Variants in SDK1 observed in about 807,000 individuals in gnomAD.
SDK1 encodes protein sidekick-1.
A neutral mutation model predicts 245.5 loss-of-function variants in SDK1; 157 were observed. The observed-to-expected ratio is 0.64, with a 90% CI of 0.56 to 0.73. The LOEUF (loss-of-function observed/expected upper bound fraction) is 0.73, where lower values mean the gene tolerates loss of function less well. SDK1 is among the 30% of genes least tolerant of loss of function. The pLI is 0.00. For missense variants in SDK1, 3,583 were observed against 3,002.3 expected (o/e 1.19, Z -4.52); for synonymous variants, 1,647 against 1,278.5 (o/e 1.29, Z -6.15).
At chr7:3,431,150 C>G (rs1779834123) in intron 1 of SDK1, among the ~76,000 whole-genome samples, 1 of 152,118 alleles carries the variant, frequency 6.6e-6, no homozygotes. Flanking sequence ...ATCCGCTTGC[C>G]TCAGCGTCCC....
At chr7:4,111,515 CA>C (rs1783344115) in intron 23 of SDK1, among the ~76,000 whole-genome samples, 1 of 149,804 alleles carries the variant, frequency 6.7e-6, no homozygotes, top group Non-Finnish European at 1.5e-5. Context: ...GGCACAAAAC[CA>C]AAGTTAGAGT....
intron 42 of SDK1, among the ~76,000 whole-genome samples, chr7:4,238,340 A>G (rs1437834854): frequency 6.6e-6 from 1 of 151,728 alleles, no homozygotes; most frequent in Non-Finnish European, 1.5e-5. Context: ...TCAGCCTCCC[A>G]AAGTGTTGGG....
chr7:4,131,517 A>G (rs1219456138), intron 27 of SDK1, among the ~76,000 whole-genome samples: 2 of 152,254 alleles, frequency 1.3e-5, no homozygotes, highest in Non-Finnish European at 2.9e-5. Context: ...TCAGCGGCCC[A>G]GAACGACGAA....
chr7:3,332,500 G>A (rs1273908565), intron 1 of SDK1, among the ~76,000 whole-genome samples: 1 of 152,126 alleles, frequency 6.6e-6, no homozygotes, highest in East Asian at 1.9e-4. Context: ...GTCTCCTAAA[G>A]CGAAGTCAGA....
chr7:3,651,481 T>C (rs1407721304), intron 4 of SDK1, among the ~76,000 whole-genome samples: 3 of 152,214 alleles, frequency 2.0e-5, no homozygotes, highest in East Asian at 1.9e-4. Context: ...GTGAGACTTA[T>C]TGTTCTGATC....
intron 1 of SDK1, among the ~76,000 whole-genome samples, chr7:3,589,876 G>T (rs185560177): frequency 1.2e-3 from 177 of 152,282 alleles, no homozygotes; most frequent in Non-Finnish European, 2.1e-4. Flanking sequence ...ATAATACCCA[G>T]ACTGTGAGGA....
intron 1 of SDK1, among the ~76,000 whole-genome samples, chr7:3,574,308 G>C (rs1780216204): frequency 6.6e-6 from 1 of 151,872 alleles, no homozygotes; most frequent in Non-Finnish European, 1.5e-5. Flanking sequence ...AGTAGAGACA[G>C]GGTTTCACCA....
chr7:4,027,298 A>G (rs1037981893), intron 17 of SDK1, among the ~76,000 whole-genome samples: 1 of 152,232 alleles, frequency 6.6e-6, no homozygotes, highest in Non-Finnish European at 1.5e-5. Context: ...GTGTTGCTTT[A>G]GTAAATAGAA....
At chr7:3,757,984 G>A (rs1166348158) in intron 4 of SDK1, among the ~76,000 whole-genome samples, 1 of 152,102 alleles carries the variant, frequency 6.6e-6, no homozygotes, top group Admixed American at 6.5e-5. Context: ...AATTCCATAC[G>A]TTTTAGTAGC....
intron 1 of SDK1, among the ~76,000 whole-genome samples, chr7:3,552,046 C>G (rs988478610): frequency 1.4e-5 from 2 of 147,772 alleles, no homozygotes; most frequent in Non-Finnish European, 3.0e-5. Flanking sequence ...TCTTCTTCTT[C>G]TTTTTTTTTT....
chr7:3,820,209 G>C (rs572454192), intron 4 of SDK1, among the ~76,000 whole-genome samples: 1 of 152,244 alleles, frequency 6.6e-6, no homozygotes, highest in East Asian at 1.9e-4. Context: ...GGGTGTGGCG[G>C]CGTGATCTCA....
intron 3 of SDK1, among the ~76,000 whole-genome samples, chr7:3,639,649 A>G (rs1463379435): frequency 6.6e-6 from 1 of 152,198 alleles, no homozygotes; most frequent in East Asian, 1.9e-4. Flanking sequence ...GGAGATATCA[A>G]GAATGCAGGA....
chr7:3,846,703 C>A (rs1472308602), intron 5 of SDK1, among the ~76,000 whole-genome samples: 2 of 152,208 alleles, frequency 1.3e-5, no homozygotes, highest in African/African-American at 4.8e-5. Flanking sequence ...TTTCCACAAG[C>A]TTGGCTCTGT....
chr7:4,204,963 T>TGAGGTGCG (rs1562429708), intron 35 of SDK1, among the ~76,000 whole-genome samples: 1 of 83,890 alleles, frequency 1.2e-5, no homozygotes, highest in Non-Finnish European at 2.4e-5. Flanking sequence ...GGCTGTGTGG[T>TGAGGTGCG]GAGGTGCGGA....
chr7:4,134,287 G>A (rs188561051), intron 28 of SDK1, among the ~76,000 whole-genome samples: 39 of 152,272 alleles, frequency 2.6e-4, no homozygotes, highest in Admixed American at 1.2e-3. Context: ...TTGGAATTGC[G>A]GGTTCCTGCT....
intron 5 of SDK1, among the ~76,000 whole-genome samples, chr7:3,858,903 C>T (rs958568900): frequency 7.5e-5 from 11 of 147,128 alleles, no homozygotes; most frequent in African/African-American, 2.9e-4. Context: ...CACTCTGTCA[C>T]CCAGGCTGGA....
chr7:3,748,975 A>G (rs1779700377), intron 4 of SDK1, among the ~76,000 whole-genome samples: 1 of 152,150 alleles, frequency 6.6e-6, no homozygotes, highest in Non-Finnish European at 1.5e-5. Context: ...TATACTAGGA[A>G]AAAAAATCAA....
At chr7:3,676,225 C>T (rs1448642396) in intron 4 of SDK1, among the ~76,000 whole-genome samples, 3 of 151,986 alleles carry the variant, frequency 2.0e-5, no homozygotes, top group African/African-American at 4.8e-5. Flanking sequence ...CACTATGTTG[C>T]CCAGACTGGT....
intron 1 of SDK1, among the ~76,000 whole-genome samples, chr7:3,512,850 T>C (rs1400680350): frequency 6.6e-6 from 1 of 152,192 alleles, no homozygotes; most frequent in Non-Finnish European, 1.5e-5. Context: ...CTTTTTCTGT[T>C]TTGTTAAAGT....
Sources: gnomAD v4.1 joint callset for allele counts (sites outside exome capture counted in the v4.1 genomes callset) on GRCh38, gnomAD v4.1.1 for gene constraint, MANE v1.5 for transcripts, NCBI Gene and HGNC (gene_info 2026-07-23, HGNC 2026-07-21) for gene names.